The following NEXMIF variants were observed in gnomAD, a reference collection of about 807,000 sequenced individuals.
The protein encoded by NEXMIF is neurite extension and migration factor.
A neutral mutation model predicts 62.1 loss-of-function variants in NEXMIF; 8 were observed. That is an observed-to-expected ratio of 0.13 (90% confidence interval 0.08 to 0.23). The LOEUF (loss-of-function observed/expected upper bound fraction) is 0.23. Among genes scored for constraint, NEXMIF ranks in the 10% least tolerant of loss-of-function variants. The pLI is 1.00. For synonymous variants in NEXMIF, 404 were observed against 416.6 expected (o/e 0.97, Z 0.37); for missense variants, 976 against 1,113.3 (o/e 0.88, Z 1.75).
chrX:74,864,235 C>T (rs1229719674), intron 1 of NEXMIF, among the ~76,000 whole-genome samples: 9 of 111,942 alleles, frequency 8.0e-5, no homozygotes, highest in Non-Finnish European at 1.5e-4. Flanking sequence ...CCAGGGCAAT[C>T]GGTCAAGAGA....
At chrX:74,859,322 G>A (rs752510959) in intron 1 of NEXMIF, among the ~76,000 whole-genome samples, 6 of 112,031 alleles carry the variant, frequency 5.4e-5, no homozygotes, top group African/African-American at 1.9e-4. Flanking sequence ...CTTTTCGGTA[G>A]AAACCTTACA....
intron 2 of NEXMIF, 150 bp downstream of exon 2, chrX:74,745,422 G>T (rs1445336981): frequency 1.5e-5 from 7 of 458,182 alleles, no homozygotes; most frequent in Non-Finnish European, 2.7e-5. Flanking sequence ...AGCCAAGTTA[G>T]ATATTTGGTG....
chrX:74,856,058 G>GA (rs1325267858), intron 1 of NEXMIF, among the ~76,000 whole-genome samples: 2 of 111,429 alleles, frequency 1.8e-5, no homozygotes, highest in Non-Finnish European at 3.8e-5. Context: ...CCCAAACACA[G>GA]AAAAAAAGCA....
chrX:74,918,510 G>A (rs1198341004), intron 1 of NEXMIF, among the ~76,000 whole-genome samples: 1 of 111,759 alleles, frequency 8.9e-6, no homozygotes, highest in Non-Finnish European at 1.9e-5. Flanking sequence ...AGAATTTAGT[G>A]GCACAACAAA....
intron 1 of NEXMIF, among the ~76,000 whole-genome samples, chrX:74,838,887 C>T (rs1343520251): frequency 1.8e-5 from 2 of 111,546 alleles, no homozygotes. Flanking sequence ...TGAGTATAAG[C>T]CTACAATTTT....
At chrX:74,869,853 T>G (rs779630801) in intron 1 of NEXMIF, among the ~76,000 whole-genome samples, 1 of 111,734 alleles carries the variant, frequency 8.9e-6, no homozygotes, top group Non-Finnish European at 1.9e-5. Flanking sequence ...TCCATGTTAA[T>G]GGATTGCAAG....
chrX:74,914,554 G>A (rs60979498), intron 1 of NEXMIF, among the ~76,000 whole-genome samples: 16,158 of 110,732 alleles, frequency 0.15, 1,787 homozygotes, highest in East Asian at 0.91. Flanking sequence ...GGTGGCATGC[G>A]CCTGTAGTCC....
intron 1 of NEXMIF, among the ~76,000 whole-genome samples, chrX:74,808,117 C>T (rs1267764922): frequency 9.0e-6 from 1 of 111,310 alleles, no homozygotes; most frequent in Non-Finnish European, 1.9e-5. Context: ...ATAAATTCTA[C>T]TTGGGGCTGG....
chrX:74,851,116 G>A (rs562237339), intron 1 of NEXMIF, among the ~76,000 whole-genome samples: 2 of 109,861 alleles, frequency 1.8e-5, no homozygotes, highest in African/African-American at 6.6e-5. Flanking sequence ...AGATCAAGCA[G>A]AAGAAAAAAT....
chrX:74,907,839 A>G (rs779749447), intron 1 of NEXMIF, among the ~76,000 whole-genome samples: 32 of 111,662 alleles, frequency 2.9e-4, no homozygotes, highest in Non-Finnish European at 4.7e-4. Context: ...ACCACTGAAC[A>G]AACAACTGTC....
At chrX:74,789,856 T>C (rs1446795225) in intron 1 of NEXMIF, among the ~76,000 whole-genome samples, 1 of 107,804 alleles carries the variant, frequency 9.3e-6, no homozygotes, top group Non-Finnish European at 1.9e-5. Context: ...TTTGAGTTCA[T>C]TGTAGATTCT....
intron 1 of NEXMIF, among the ~76,000 whole-genome samples, chrX:74,789,475 T>C (rs1254248397): frequency 4.5e-5 from 5 of 110,637 alleles, no homozygotes; most frequent in Admixed American, 9.7e-5. Context: ...TTTATAGTCC[T>C]TTGGGTATAT....
intron 1 of NEXMIF, among the ~76,000 whole-genome samples, chrX:74,875,810 A>G (rs2080629294): frequency 9.0e-6 from 1 of 111,549 alleles, no homozygotes. Context: ...CTCTGATGGT[A>G]GTTTGTATTT....
rs748020931 is a variant in NEXMIF at position 74,914,713 on chromosome X, C to A, written c.-48+10170G>T. On this transcript the variant is annotated intron_variant, in intron 1 of 3. Transcript: ENST00000055682. ...CAAACAAACAAACAAAACCAACCAA[C>A]CAAACAAAAAGCACCTGTATGCTAA... Among the ~76,000 whole-genome samples, 351 of 111,523 alleles carry A rather than the reference C, an allele frequency of 3.1e-3. 2 individuals carry two copies. Among genetic ancestry groups the A allele is most frequent in the African/African-American group, 0.011 (335 of 30,656 alleles).
In NEXMIF at chrX:74,742,463, G is replaced by A; in HGVS notation, c.2094C>T (p.Asp698=). The A allele has an allele frequency of 2.5e-6, 3 of 1,209,656 alleles. No individual in the cohort carries two copies. The highest frequency in any genetic ancestry group is 1.8e-5 in the South Asian group (1 of 56,938). ...TGTCTTGGGCTTTGACTTTCACTGA[G>A]TCAGGGCCTGTGATGTCATTTAAAT... ...GSHLNDITGP[D]SVKVKAQDTE... is the part of the protein sequence containing the mutation. Residue 698 remains aspartate, a synonymous_variant, in exon 3 of 4, where the codon GAC becomes GAT. Coordinates refer to ENST00000055682, the MANE Select transcript of NEXMIF (RefSeq NM_001008537.3).
intron 1 of NEXMIF, among the ~76,000 whole-genome samples, chrX:74,788,718 T>C (rs991517787): frequency 9.0e-6 from 1 of 111,407 alleles, no homozygotes; most frequent in Admixed American, 9.6e-5. Context: ...CCTAACTTCC[T>C]GAAGCAGTAT....
intron 1 of NEXMIF, among the ~76,000 whole-genome samples, chrX:74,859,800 C>A (rs949264826): frequency 4.5e-5 from 5 of 111,523 alleles, no homozygotes; most frequent in Admixed American, 1.9e-4. Flanking sequence ...TTACATTTTG[C>A]TTGCTTGTTT....
At chrX:74,816,823 G>A (rs945079220) in intron 1 of NEXMIF, among the ~76,000 whole-genome samples, 2 of 111,749 alleles carry the variant, frequency 1.8e-5, no homozygotes, top group South Asian at 3.8e-4. Context: ...GGACTTGGCA[G>A]GAAAATGGGT....
At chrX:74,787,545 T>C (rs1292585023) in intron 1 of NEXMIF, among the ~76,000 whole-genome samples, 1 of 112,034 alleles carries the variant, frequency 8.9e-6, no homozygotes, top group Non-Finnish European at 1.9e-5. Flanking sequence ...CCATTGCATG[T>C]GTCACATGAC....
Sources: gnomAD v4.1 joint callset for allele counts (sites outside exome capture counted in the v4.1 genomes callset) on GRCh38, gnomAD v4.1.1 for gene constraint, MANE v1.5 for transcripts, NCBI Gene and HGNC (gene_info 2026-07-23, HGNC 2026-07-21) for gene names.